Variants in USP28 observed in about 807,000 individuals in gnomAD.
USP28 encodes the protein ubiquitin carboxyl-terminal hydrolase 28.
A neutral mutation model predicts 145.0 loss-of-function variants in USP28; 113 were observed. The ratio of observed to expected loss-of-function variants is 0.78; its 90% confidence interval spans 0.67 to 0.91. The LOEUF (loss-of-function observed/expected upper bound fraction) is 0.91. USP28 is among the 40% of genes least tolerant of loss of function. USP28 has a pLI of 0.00. For synonymous variants in USP28, 447 were observed against 450.9 expected, an observed-to-expected ratio of 0.99 and a Z score of 0.11; for missense variants, 1,201 against 1,289.6, an observed-to-expected ratio of 0.93 and a Z score of 1.05.
chr11:113,802,554 T>A (rs1329861678), intron 23 of USP28, among the ~76,000 whole-genome samples: 1 of 152,104 alleles, frequency 6.6e-6, no homozygotes, highest in Non-Finnish European at 1.5e-5. Flanking sequence ...CATAAACCCC[T>A]GGGGAGGCAA....
intron 9 of USP28, 72 bp downstream of exon 9, chr11:113,830,795 C>T (rs1943891853): frequency 1.4e-6 from 2 of 1,431,342 alleles, no homozygotes; most frequent in Admixed American, 1.7e-5. Context: ...CACTATACTG[C>T]CTCCTCAAAG....
intron 3 of USP28, among the ~76,000 whole-genome samples, chr11:113,844,072 A>T (rs1945535670): frequency 6.6e-6 from 1 of 152,174 alleles, no homozygotes; most frequent in East Asian, 1.9e-4. Flanking sequence ...GGAATCTTAG[A>T]TGACATCCAG....
exon 14 of USP28, chr11:113,815,209 T>C (rs1305141434): frequency 1.2e-6 from 2 of 1,614,204 alleles, no homozygotes; most frequent in Middle Eastern, 1.6e-4. Flanking sequence ...CCTCCATCTC[T>C]GAAGACAGGT....
At chr11:113,849,365 C>G (rs139975171) in intron 3 of USP28, among the ~76,000 whole-genome samples, 1 of 152,138 alleles carries the variant, frequency 6.6e-6, no homozygotes, top group South Asian at 2.1e-4. Context: ...GAAGGAAGGA[C>G]GCCAATGGGA....
At chr11:113,814,062 G>T in intron 14 of USP28, 107 bp from the exon 15 acceptor site, 3 of 797,028 alleles carry the variant, frequency 3.8e-6, no homozygotes, top group Non-Finnish European at 5.9e-6. Flanking sequence ...AATGATTTCA[G>T]CTTCCCTCTA....
chr11:113,869,506 G>A (rs1948612568), intron 1 of USP28, among the ~76,000 whole-genome samples: 1 of 152,176 alleles, frequency 6.6e-6, no homozygotes, highest in African/African-American at 2.4e-5. Flanking sequence ...TCTGAGGATT[G>A]CTTGGGTCTG....
At chr11:113,832,017 T>C (rs529716339) in intron 7 of USP28, 24 bp from the exon 8 acceptor site, 2 of 1,603,694 alleles carry the variant, frequency 1.2e-6, no homozygotes, top group Admixed American at 1.7e-5. Context: ...ACAAATTGCA[T>C]AAAAGTTAGA....
At chr11:113,843,068 T>C (rs1945388182) in intron 3 of USP28, among the ~76,000 whole-genome samples, 1 of 152,046 alleles carries the variant, frequency 6.6e-6, no homozygotes, top group Admixed American at 6.6e-5. Context: ...TCGTCTCTAC[T>C]AAAAATACAA....
chr11:113,814,106 C>A, intron 14 of USP28, 151 bp from the exon 15 acceptor site: 1 of 560,178 alleles, frequency 1.8e-6, no homozygotes, highest in Non-Finnish European at 3.1e-6. Context: ...TTTAAAGCAG[C>A]TAGTACTTTA....
At chr11:113,860,068 C>G (rs1424763228) in intron 1 of USP28, among the ~76,000 whole-genome samples, 1 of 152,196 alleles carries the variant, frequency 6.6e-6, no homozygotes, top group African/African-American at 2.4e-5. Context: ...CACTAAAAAC[C>G]TTAAGCTATC....
At chr11:113,799,279 C>T in exon 25 of USP28, 1 of 1,613,952 alleles carries the variant, frequency 6.2e-7, no homozygotes, top group Non-Finnish European at 8.5e-7. Context: ...GAATTGACTC[C>T]ATGACAGCTG....
At chr11:113,874,194 G>C (rs1949121001) in intron 1 of USP28, among the ~76,000 whole-genome samples, 1 of 148,866 alleles carries the variant, frequency 6.7e-6, no homozygotes, top group Non-Finnish European at 1.5e-5. Flanking sequence ...GCTCACGCCT[G>C]TAATCCCAGC....
intron 14 of USP28, 39 bp from the exon 15 acceptor site, chr11:113,813,994 A>T: frequency 1.4e-6 from 2 of 1,473,360 alleles, no homozygotes; most frequent in Non-Finnish European, 1.9e-6. Context: ...CACTAAAATG[A>T]TCTCATTCTA....
intron 3 of USP28, among the ~76,000 whole-genome samples, chr11:113,847,755 G>A (rs2513573): frequency 0.065 from 9,856 of 152,182 alleles, 435 homozygotes; most frequent in Non-Finnish European, 0.09. Context: ...CTATTTCTAG[G>A]TATATACACA....
intron 3 of USP28, among the ~76,000 whole-genome samples, chr11:113,845,874 C>T (rs755016744): frequency 5.3e-5 from 8 of 152,180 alleles, no homozygotes; most frequent in African/African-American, 7.2e-5. Flanking sequence ...AGTGCCCGGA[C>T]TAAAACAGGG....
At chr11:113,875,568 A>T in exon 1 of USP28, 1 of 1,079,388 alleles carries the variant, frequency 9.3e-7, no homozygotes, top group African/African-American at 1.7e-5. Context: ...GCCTCTCAGG[A>T]CTAGGCCCCG....
At chr11:113,816,491 G>A (rs542333482) in intron 13 of USP28, among the ~76,000 whole-genome samples, 6 of 152,114 alleles carry the variant, frequency 3.9e-5, no homozygotes, top group East Asian at 1.9e-4. Flanking sequence ...CCAGCCTGGC[G>A]ACAGAGTGAG....
chr11:113,799,463 G>A (rs115538988), intron 24 of USP28, 48 bp from the exon 26 acceptor site: 4 of 1,570,602 alleles, frequency 2.5e-6, no homozygotes, highest in Admixed American at 1.9e-5. Context: ...ACAGATTTCT[G>A]AGTAAAAGTG....
chr11:113,816,391 T>C (rs1318562553), intron 13 of USP28, among the ~76,000 whole-genome samples: 5 of 152,146 alleles, frequency 3.3e-5, no homozygotes, highest in African/African-American at 1.2e-4. Context: ...GGCACGCCTG[T>C]AGTCCCAGCT....
Sources: gnomAD v4.1 joint callset for allele counts (sites outside exome capture counted in the v4.1 genomes callset) on GRCh38, gnomAD v4.1.1 for gene constraint, MANE v1.5 for transcripts, NCBI Gene and HGNC (gene_info 2026-07-23, HGNC 2026-07-21) for gene names.